The following CNTNAP2 variants were observed in gnomAD, a reference collection of about 807,000 sequenced individuals.
CNTNAP2 encodes contactin associated protein 2.
In CNTNAP2, 98 loss-of-function variants were observed where a neutral mutation model predicts 155.2. That is an observed-to-expected ratio of 0.63 (90% CI 0.54 to 0.75). CNTNAP2 has a LOEUF of 0.75. Among genes scored for constraint, CNTNAP2 ranks in the 30% least tolerant of loss-of-function variants. The pLI, the probability that CNTNAP2 is intolerant of heterozygous loss-of-function variation, is 0.00. For synonymous variants in CNTNAP2, 651 were observed against 631.2 expected (o/e 1.03, Z -0.47); for missense variants, 1,727 against 1,688.1 (o/e 1.02, Z -0.40).
chr7:147,296,322 GA>G (rs1805443417), intron 8 of CNTNAP2, among the ~76,000 whole-genome samples: 1 of 152,180 alleles, frequency 6.6e-6, no homozygotes, highest in Non-Finnish European at 1.5e-5. Flanking sequence ...ATGCTATGGT[GA>G]AGATAGGGTC....
chr7:148,146,607 G>A (rs766821435), intron 16 of CNTNAP2, among the ~76,000 whole-genome samples: 1 of 152,146 alleles, frequency 6.6e-6, no homozygotes, highest in Non-Finnish European at 1.5e-5. Context: ...ATGAGAAGGA[G>A]CCTACAACCC....
At chr7:147,168,910 T>C (rs1802174020) in intron 8 of CNTNAP2, among the ~76,000 whole-genome samples, 1 of 152,112 alleles carries the variant, frequency 6.6e-6, no homozygotes, top group African/African-American at 2.4e-5. Flanking sequence ...ATATATGACA[T>C]ATAGAATATA....
At chr7:147,732,626 T>C (rs1222987303) in intron 13 of CNTNAP2, among the ~76,000 whole-genome samples, 1 of 152,196 alleles carries the variant, frequency 6.6e-6, no homozygotes, top group Non-Finnish European at 1.5e-5. Context: ...ACTTCCACAA[T>C]GGTTGAACCA....
At chr7:147,489,184 G>A (rs752677584) in intron 11 of CNTNAP2, among the ~76,000 whole-genome samples, 17 of 152,120 alleles carry the variant, frequency 1.1e-4, no homozygotes, top group Admixed American at 2.0e-4. Context: ...GTTTTCATTT[G>A]TTAGTTTGTG....
At chr7:147,347,071 T>C (rs773149458) in intron 9 of CNTNAP2, among the ~76,000 whole-genome samples, 1 of 152,122 alleles carries the variant, frequency 6.6e-6, no homozygotes, top group Non-Finnish European at 1.5e-5. Flanking sequence ...GGAAGAGATA[T>C]AATTACAGAG....
intron 1 of CNTNAP2, among the ~76,000 whole-genome samples, chr7:146,612,601 G>A (rs1180456449): frequency 6.6e-6 from 1 of 151,830 alleles, no homozygotes; most frequent in African/African-American, 2.4e-5. Context: ...AGAGACAGAC[G>A]TTGATTAGAA....
chr7:147,477,639 C>T (rs1439325214), intron 10 of CNTNAP2, among the ~76,000 whole-genome samples: 1 of 152,118 alleles, frequency 6.6e-6, no homozygotes, highest in African/African-American at 2.4e-5. Context: ...AATGCCAAAG[C>T]TAGTTAAAAC....
At chr7:147,213,325 T>C (rs1025315361) in intron 8 of CNTNAP2, among the ~76,000 whole-genome samples, 8 of 152,146 alleles carry the variant, frequency 5.3e-5, no homozygotes, top group Admixed American at 6.6e-5. Flanking sequence ...GAGGGCCATC[T>C]TCTTTACTCA....
chr7:148,002,089 G>C (rs1801908588), intron 15 of CNTNAP2, among the ~76,000 whole-genome samples: 1 of 152,132 alleles, frequency 6.6e-6, no homozygotes, highest in African/African-American at 2.4e-5. Context: ...GCTTGATGCT[G>C]CTATCTTTCT....
At position 146,347,138 on chromosome 7, in the gene CNTNAP2, T is replaced by TAA. The variant is rs59530824; in HGVS notation, c.97+230187_97+230188dup. Among the ~76,000 whole-genome samples the TAA allele has an allele frequency of 1.1e-3, 99 of 93,752 alleles. 1 individual carries two copies. Among genetic ancestry groups the TAA allele is most frequent in the Admixed American group, 1.7e-3 (13 of 7,554 alleles). The allele number at this position is 93,752 out of a possible 152,430, so 61.5% of individuals were successfully genotyped here. ...AGTGTGGTTAGGAATCCATACTCTG[T>TAA]AAAAAAAAAAAAAAAAAAAAAAACC... On this transcript the variant is annotated intron_variant, in intron 1 of 23. Coordinates refer to ENST00000361727, the MANE Select transcript of CNTNAP2 (RefSeq NM_014141.6).
chr7:147,195,594 T>G (rs1189924439), intron 8 of CNTNAP2, among the ~76,000 whole-genome samples: 1 of 152,212 alleles, frequency 6.6e-6, no homozygotes, highest in Non-Finnish European at 1.5e-5. Flanking sequence ...CTTATTTTCT[T>G]GAAAAGTGGT....
intron 3 of CNTNAP2, among the ~76,000 whole-genome samples, chr7:146,907,532 T>A (rs1003478129): frequency 7.4e-6 from 1 of 134,824 alleles, no homozygotes; most frequent in African/African-American, 2.8e-5. Context: ...AACCCAGAAT[T>A]TCATATCCAG....
At chr7:147,862,106 T>G (rs191394820) in intron 13 of CNTNAP2, among the ~76,000 whole-genome samples, 39 of 151,644 alleles carry the variant, frequency 2.6e-4, no homozygotes, top group Non-Finnish European at 4.9e-4. Flanking sequence ...GATGAAACAG[T>G]ATTCCAGCAA....
chr7:146,444,007 T>C (rs1796365000), intron 1 of CNTNAP2, among the ~76,000 whole-genome samples: 1 of 152,140 alleles, frequency 6.6e-6, no homozygotes, highest in East Asian at 1.9e-4. Context: ...AACTGTCTAA[T>C]TAGTTGGTAT....
rs1796876589 is a variant in CNTNAP2 at position 146,934,843 on chromosome 7, C to T, written c.402+94939C>T. Among the ~76,000 whole-genome samples the T allele has an allele frequency of 2.6e-5, 4 of 152,260 alleles. No homozygotes were observed. In the South Asian group the frequency reaches 8.3e-4, roughly 32 times the overall value. On this transcript the variant is annotated intron_variant, in intron 3 of 23. Coordinates refer to ENST00000361727, the MANE Select transcript of CNTNAP2 (RefSeq NM_014141.6). Reference sequence around the variant, plus strand: ...TATTGGATAAGGATAGACACTGTGACATCAGAGATCACCGTGCTGTGGACC... The same window carrying T: ...TATTGGATAAGGATAGACACTGTGATATCAGAGATCACCGTGCTGTGGACC...
In CNTNAP2 at chr7:146,362,630, C is replaced by A. The variant is rs377611426; in HGVS notation, c.97+245657C>A. Among the ~76,000 whole-genome samples the A allele has an allele frequency of 7.2e-5, 11 of 152,116 alleles. No homozygotes were observed. The East Asian group carries it at 1.2e-3, about 16-fold the overall frequency. ...GATGGAGGGAAAGTTGGTGTCAGGT[C>A]ATGTAAGGCCTTGTAAGCTAAAAAT... On this transcript the variant is annotated intron_variant, in intron 1 of 23. Coordinates refer to ENST00000361727, the MANE Select transcript of CNTNAP2 (RefSeq NM_014141.6).
intron 8 of CNTNAP2, among the ~76,000 whole-genome samples, chr7:147,150,373 G>A (rs1236676155): frequency 3.3e-5 from 5 of 152,120 alleles, no homozygotes; most frequent in African/African-American, 4.8e-5. Context: ...ACAGGAGCAC[G>A]TCTTAAGAAC....
intron 21 of CNTNAP2, among the ~76,000 whole-genome samples, chr7:148,317,283 A>G (rs945026947): frequency 1.3e-5 from 2 of 152,174 alleles, no homozygotes; most frequent in Non-Finnish European, 2.9e-5. Context: ...TGAACCCAGG[A>G]GGCAGAGTTT....
chr7:147,301,644 G>T (rs995500949), intron 9 of CNTNAP2, among the ~76,000 whole-genome samples: 3 of 126,168 alleles, frequency 2.4e-5, no homozygotes, highest in Non-Finnish European at 4.9e-5. Flanking sequence ...GTGTGTGTGT[G>T]TTCTAGTTTT....
Sources: allele counts gnomAD v4.1 joint callset (sites outside exome capture counted in the v4.1 genomes callset), GRCh38; gene constraint gnomAD v4.1.1; transcripts MANE v1.5; gene names NCBI Gene and HGNC (gene_info 2026-07-23, HGNC 2026-07-21).